LAMA2: variants seen among roughly 807,000 people sequenced by gnomAD.
LAMA2 encodes laminin subunit alpha-2.
LAMA2 carries 269 observed loss-of-function variants against 364.8 expected under a neutral mutation model. The observed-to-expected ratio is 0.74, with a 90% CI of 0.67 to 0.82. The LOEUF is 0.82. Among genes scored for constraint, LAMA2 ranks in the 40% least tolerant of loss-of-function variants. LAMA2 has a pLI of 0.00. For missense variants in LAMA2, 3,807 were observed against 3,873.2 expected (o/e 0.98, Z 0.45); for synonymous variants, 1,379 against 1,370.6 (o/e 1.01, Z -0.14).
intron 22 of LAMA2, among the ~76,000 whole-genome samples, chr6:129,311,719 G>A (rs887319235): frequency 3.9e-5 from 6 of 152,150 alleles, no homozygotes; most frequent in African/African-American, 1.4e-4. Context: ...TAAATCAAGA[G>A]CAGAAACCTT....
intron 18 of LAMA2, among the ~76,000 whole-genome samples, chr6:129,287,054 GGAAGGAAGGA>G (rs1789306696): frequency 5.2e-5 from 1 of 19,058 alleles, no homozygotes; most frequent in African/African-American, 2.1e-4. Flanking sequence ...AAGGAAGCAA[GGAAGGAAGGA>G]AGGGAGGAAA....
In LAMA2 at chr6:128,929,773, C is replaced by T. The variant is rs559511670; in HGVS notation, c.112+46416C>T. On this transcript the variant is annotated intron_variant, in intron 1 of 64. Transcript: ENST00000421865. Reference sequence around the variant, plus strand: ...CTGGATATTGGAAAACGTGTAAAACCACAACTGTCTCCTGACTTCCAACCA... The same window carrying T: ...CTGGATATTGGAAAACGTGTAAAACTACAACTGTCTCCTGACTTCCAACCA... 102 of 1,091,236 alleles carry T rather than the reference C, an allele frequency of 9.3e-5. 1 individual carries two copies. Among genetic ancestry groups the T allele is most frequent in the East Asian group, 6.4e-4 (27 of 42,272 alleles). 67.6% of individuals were successfully genotyped at this position (1,091,236 alleles called of 1,614,324 possible).
intron 3 of LAMA2, among the ~76,000 whole-genome samples, chr6:129,066,190 C>G (rs1474619976): frequency 1.4e-5 from 2 of 147,962 alleles, no homozygotes; most frequent in Non-Finnish European, 3.0e-5. Flanking sequence ...GGACTACAGG[C>G]GCCCGCCACT....
chr6:129,451,821 C>T (rs927221923), intron 45 of LAMA2, among the ~76,000 whole-genome samples: 1 of 152,172 alleles, frequency 6.6e-6, no homozygotes, highest in Non-Finnish European at 1.5e-5. Flanking sequence ...AAATGAGGCT[C>T]TTGGAGACAC....
At chr6:129,265,777 A>AGTG (rs989114282) in intron 15 of LAMA2, among the ~76,000 whole-genome samples, 5 of 151,994 alleles carry the variant, frequency 3.3e-5, no homozygotes, top group African/African-American at 1.2e-4. Flanking sequence ...TGATGGGTTG[A>AGTG]TGGGTTCAGG....
chr6:129,509,003 C>T (rs1345013604), intron 62 of LAMA2, among the ~76,000 whole-genome samples: 2 of 152,124 alleles, frequency 1.3e-5, no homozygotes, highest in African/African-American at 2.4e-5. Flanking sequence ...TCCACATCCT[C>T]GTCAGCATTT....
intron 48 of LAMA2, among the ~76,000 whole-genome samples, chr6:129,459,524 C>T (rs541345793): frequency 1.1e-4 from 17 of 152,130 alleles, no homozygotes; most frequent in South Asian, 4.1e-4. Flanking sequence ...TACAAGCAAA[C>T]GACACCAATG....
At chr6:129,406,374 T>C (rs1401861423) in intron 40 of LAMA2, among the ~76,000 whole-genome samples, 1 of 152,226 alleles carries the variant, frequency 6.6e-6, no homozygotes, top group African/African-American at 2.4e-5. Context: ...AATATCAGAA[T>C]GAAATGTTAT....
intron 1 of LAMA2, among the ~76,000 whole-genome samples, chr6:129,046,394 T>C (rs1467385732): frequency 6.6e-6 from 1 of 152,116 alleles, no homozygotes; most frequent in East Asian, 1.9e-4. Flanking sequence ...GGCAAAGAAG[T>C]AACAAAGGCA....
intron 12 of LAMA2, among the ~76,000 whole-genome samples, chr6:129,211,896 C>T (rs547892270): frequency 1.3e-5 from 2 of 152,150 alleles, no homozygotes; most frequent in South Asian, 2.1e-4. Flanking sequence ...TAGAACCTAG[C>T]AGATTGCTTT....
At position 129,312,904 on chromosome 6, in the gene LAMA2, A is replaced by G. The variant is rs748779868; in HGVS notation, c.3218A>G (p.Asn1073Ser). ...GTGGGATCCTTGGATTTCCAATGCAATGTAAATACAGGCCAATGCAACTGT... is the reference window on the plus strand; with the variant it reads ...GTGGGATCCTTGGATTTCCAATGCAGTGTAAATACAGGCCAATGCAACTGT... ...STVGSLDFQC[N>S]VNTGQCNCHP... Residue 1073 changes from asparagine (N) to serine (S), a missense_variant, in exon 23 of 65, where the codon AAT becomes AGT. By Grantham distance (46) the Asn-to-Ser change is conservative. This residue lies in a region of LAMA2 where 3,333 missense variants were observed against 3,345.7 expected (regional missense o/e 1.00). Coordinates refer to ENST00000421865, the MANE Select transcript of LAMA2 (RefSeq NM_000426.4). 5 of 1,614,002 alleles carry G rather than the reference A, an allele frequency of 3.1e-6. No individual in the cohort carries two copies. Among genetic ancestry groups the G allele is most frequent in the South Asian group, 1.1e-5 (1 of 91,074 alleles).
At chr6:129,290,928 G>A (rs1789652068) in intron 19 of LAMA2, among the ~76,000 whole-genome samples, 1 of 152,098 alleles carries the variant, frequency 6.6e-6, no homozygotes, top group African/African-American at 2.4e-5. Context: ...TAAGATACTT[G>A]AAATGATGTT....
chr6:129,467,210 G>A (rs1783585733), intron 51 of LAMA2, among the ~76,000 whole-genome samples: 1 of 151,862 alleles, frequency 6.6e-6, no homozygotes, highest in African/African-American at 2.4e-5. Context: ...GCAGCAACAG[G>A]AATGGACCTG....
At position 129,102,221 on chromosome 6, in the gene LAMA2, C is replaced by T. The variant is rs142413192; in HGVS notation, c.639+3806C>T. On this transcript the variant is annotated intron_variant, in intron 4 of 64. Coordinates refer to ENST00000421865, the MANE Select transcript of LAMA2 (RefSeq NM_000426.4). ...TCAGCTCACTGTAACCTCCGCCTCC[C>T]GGGTTCCCGGGTTCAAGTGGTTCTC... Among the ~76,000 whole-genome samples, 1,238 of 151,496 alleles carry T rather than the reference C, an allele frequency of 8.2e-3. 23 individuals carry two copies. Among genetic ancestry groups the T allele is most frequent in the African/African-American group, 0.028 (1,167 of 41,360 alleles).
intron 32 of LAMA2, among the ~76,000 whole-genome samples, chr6:129,362,984 G>GT (rs1777551699): frequency 6.6e-6 from 1 of 152,142 alleles, no homozygotes; most frequent in Non-Finnish European, 1.5e-5. Context: ...TGGTCCAGTG[G>GT]TTTTATCCTT....
intron 12 of LAMA2, among the ~76,000 whole-genome samples, chr6:129,200,171 TACAC>T (rs1303530305): frequency 6.9e-6 from 1 of 144,128 alleles, no homozygotes; most frequent in Non-Finnish European, 1.5e-5. Context: ...TATATACGTG[TACAC>T]ATATACATGT....
At chr6:129,403,362 T>G (rs1780079149) in intron 39 of LAMA2, among the ~76,000 whole-genome samples, 2 of 152,184 alleles carry the variant, frequency 1.3e-5, no homozygotes, top group South Asian at 4.1e-4. Flanking sequence ...AGTCCTTACT[T>G]GGGGACATAT....
At chr6:129,385,601 T>G (rs1583627180) in intron 35 of LAMA2, among the ~76,000 whole-genome samples, 1 of 152,204 alleles carries the variant, frequency 6.6e-6, no homozygotes, top group African/African-American at 2.4e-5. Flanking sequence ...GACCTCGTTA[T>G]AGATAATCAC....
chr6:129,452,534 G>A lies in LAMA2; in HGVS notation c.6430-454G>A, dbSNP rs539157807. 5.1e-4 allele frequency among the ~76,000 whole-genome samples: 77 copies of A among 152,132 alleles called. 1 individual carries two copies. The South Asian group carries it at 0.015, about 29-fold the overall frequency. ...TCAACTGTAAGAGTATAGGAGGGTT[G>A]GTAATTTCCTCTTGAAAACTAAAAG... is the stretch of plus-strand genomic sequence containing the variant. On this transcript the variant is annotated intron_variant, in intron 45 of 64. Coordinates refer to ENST00000421865, the MANE Select transcript of LAMA2 (RefSeq NM_000426.4).
Sources: allele counts gnomAD v4.1 joint callset (sites outside exome capture counted in the v4.1 genomes callset), GRCh38; gene constraint gnomAD v4.1.1; regional missense constraint gnomAD v4.1.1; transcripts MANE v1.5; gene names NCBI Gene and HGNC (gene_info 2026-07-23, HGNC 2026-07-21).